Variants in MBP observed in about 807,000 individuals in gnomAD.
MBP encodes Golli-MBP.
Under a neutral mutation model 35.8 loss-of-function variants are expected in MBP, and 16 were observed. That is an observed-to-expected ratio of 0.45 (90% confidence interval 0.30 to 0.68). The LOEUF is 0.68. MBP is among the 30% of genes least tolerant of loss of function. The probability of loss-of-function intolerance (pLI) is 0.08; values close to 1 mark genes in which losing one functional copy is unlikely to be tolerated. For missense variants in MBP, 380 were observed against 404.7 expected, an observed-to-expected ratio of 0.94 and a Z score of 0.52; for synonymous variants, 143 against 159.6, an observed-to-expected ratio of 0.90 and a Z score of 0.78.
chr18:77,026,195 A>G (rs1972215426), intron 3 of MBP, among the ~76,000 whole-genome samples: 1 of 152,244 alleles, frequency 6.6e-6, no homozygotes, highest in African/African-American at 2.4e-5. Context: ...GCCTGAACTC[A>G]GCGCTTTTCA....
intron 2 of MBP, among the ~76,000 whole-genome samples, chr18:77,075,653 T>C (rs976471832): frequency 2.6e-5 from 4 of 152,328 alleles, no homozygotes; most frequent in Middle Eastern, 3.4e-3. Flanking sequence ...ATGGTTTCTA[T>C]TGAAGACCCG....
At chr18:77,009,662 C>G (rs1971217229) in intron 4 of MBP, among the ~76,000 whole-genome samples, 1 of 152,244 alleles carries the variant, frequency 6.6e-6, no homozygotes, top group East Asian at 1.9e-4. Context: ...GGGCATTTGT[C>G]TCTTCCTGCA....
intron 2 of MBP, among the ~76,000 whole-genome samples, chr18:77,070,990 G>GCA (rs1207180339): frequency 6.6e-6 from 1 of 152,152 alleles, no homozygotes; most frequent in Non-Finnish European, 1.5e-5. Flanking sequence ...TGCACACATG[G>GCA]CACACACGCA....
intron 1 of MBP, chr18:77,108,525 C>A (rs945253256): frequency 2.6e-5 from 4 of 152,186 alleles, no homozygotes; most frequent in Admixed American, 6.5e-5. Flanking sequence ...AGTTGGTATT[C>A]AGTTCTAGAT....
chr18:76,993,662 C>T (rs926882260), intron 4 of MBP, among the ~76,000 whole-genome samples: 2 of 152,062 alleles, frequency 1.3e-5, no homozygotes, highest in African/African-American at 2.4e-5. Flanking sequence ...CGTTGGTTAA[C>T]GATTCTCATT....
rs752790125 is a variant in MBP at position 77,066,309 on chromosome 18, T to C, written c.128A>G (p.Asn43Ser). 6.2e-7 allele frequency: 1 copy of C among 1,613,988 alleles called. No homozygotes were observed. The highest frequency in any genetic ancestry group is 8.5e-7 in the Non-Finnish European group (1 of 1,179,870). ...TCTGCGTCACCTACCGAACACTTCG[T>C]TGTCCTCTGAGGTTGTCCGTGAAAG... ...GELSRTTSED[N>S]EVFGEADANQ... The change falls in exon 3 of 9, where the codon AAC (asparagine) becomes AGC (serine). Residue 43 changes from asparagine to serine, a missense_variant. Coordinates refer to ENST00000355994, the MANE Select transcript of MBP (RefSeq NM_001025101.2).
chr18:77,119,475 A>C (rs1430970456), intron 1 of MBP, among the ~76,000 whole-genome samples: 1 of 152,154 alleles, frequency 6.6e-6, no homozygotes, highest in African/African-American at 2.4e-5. Flanking sequence ...GGTACATGAC[A>C]CACAGTAGGC....
chr18:77,078,621 C>T (rs1026315263), intron 2 of MBP, among the ~76,000 whole-genome samples: 5 of 152,234 alleles, frequency 3.3e-5, no homozygotes, highest in African/African-American at 1.2e-4. Context: ...GCCTGGAGAA[C>T]TCATTTCTCT....
chr18:77,079,130 C>T (rs770666817), intron 2 of MBP, among the ~76,000 whole-genome samples: 15 of 152,238 alleles, frequency 9.9e-5, no homozygotes, highest in Non-Finnish European at 2.1e-4. Flanking sequence ...AAGAAGGAGA[C>T]GGTTCCAACG....
chr18:77,028,052 G>T (rs992707125), intron 3 of MBP, among the ~76,000 whole-genome samples: 2 of 147,162 alleles, frequency 1.4e-5, no homozygotes, highest in African/African-American at 5.0e-5. Context: ...GGATTTGGCA[G>T]GGTCATAGGA....
At chr18:77,114,754 T>C (rs1467149694) in intron 1 of MBP, 1 of 152,254 alleles carries the variant, frequency 6.6e-6, no homozygotes, top group Admixed American at 6.5e-5. Context: ...TTCGCAGTCA[T>C]GTGGGGCTTA....
Position 77,016,901 on chromosome 18 carries a change from C to T in MBP, c.507G>A (p.Thr169=), listed in dbSNP as rs577730388. ...AGCGCCCGATGGAGTCAAGGATGCC[C>T]GTGTCTCTGTGCCTTGGGAGGAAGC... is the stretch of plus-strand genomic sequence containing the variant. ...RHGFLPRHRD[T]GILDSIGRFF... is the part of the protein sequence containing the mutation. Residue 169 remains threonine, a synonymous_variant, in exon 4 of 9, where the codon ACG becomes ACA. Transcript: ENST00000355994. 7 of 1,614,114 alleles carry T rather than the reference C, an allele frequency of 4.3e-6. No individual in the cohort carries two copies. The Admixed American group carries it at 5.0e-5, about 12-fold the overall frequency.
intron 1 of MBP, chr18:77,112,457 C>T (rs925551949): frequency 5.3e-5 from 8 of 152,200 alleles, no homozygotes; most frequent in African/African-American, 1.7e-4. Context: ...TCGTGCATAA[C>T]GGGGAGGGAG....
chr18:77,128,022 T>G (rs1158914426), intron 1 of MBP: 1 of 152,196 alleles, frequency 6.6e-6, no homozygotes, highest in Non-Finnish European at 1.5e-5. Flanking sequence ...GACTCAGCAA[T>G]TGCACTCCTG....
At chr18:77,109,201 C>A (rs959269469) in intron 1 of MBP, 33 of 152,332 alleles carry the variant, frequency 2.2e-4, no homozygotes, top group Admixed American at 1.9e-3. Context: ...GTTCAGAGAC[C>A]TCTAGATGGC....
intron 4 of MBP, among the ~76,000 whole-genome samples, chr18:76,992,522 C>G (rs1487259719): frequency 2.0e-5 from 3 of 152,194 alleles, no homozygotes; most frequent in Non-Finnish European, 2.9e-5. Context: ...AGACTACTAA[C>G]AGCTCCCCTG....
chr18:77,010,844 C>T (rs1278970997), intron 4 of MBP, among the ~76,000 whole-genome samples: 1 of 152,170 alleles, frequency 6.6e-6, no homozygotes, highest in African/African-American at 2.4e-5. Flanking sequence ...GGTAAGTGCC[C>T]TGCAAGAAAT....
In MBP at chr18:76,988,503, A is replaced by G. The variant is rs988647793; in HGVS notation, c.742T>C (p.Phe248Leu). 17 of 1,614,160 alleles carry G rather than the reference A, an allele frequency of 1.1e-5. No individual in the cohort carries two copies. The highest frequency in any genetic ancestry group is 1.4e-5 in the Non-Finnish European group (16 of 1,180,014). The change falls in exon 7 of 9, where the codon TTT (phenylalanine) becomes CTT (leucine). Residue 248 changes from phenylalanine (F) to leucine (L), a missense_variant. Physicochemically the swap from Phe to Leu is conservative, Grantham distance 22 (BLOSUM62 0). Transcript: ENST00000355994. The surrounding 1 kb of genome is among the most constrained non-coding windows in gnomAD (Gnocchi z 5.2). Reference protein sequence around the residue: ...GKGRGLSLSRFSWGAEGQRPG... With the variant: ...GKGRGLSLSRLSWGAEGQRPG... ...GTGCGTTCGTCACCTACCCAGCTAA[A>G]TCTGCTCAGGGACAGTCCTCTCCCC...
At chr18:76,986,964 A>G in intron 7 of MBP, 2 of 985,460 alleles carry the variant, frequency 2.0e-6, no homozygotes, top group South Asian at 4.7e-5. Flanking sequence ...AACTCCAGAC[A>G]AGGAGAGAGT....
Sources: allele counts gnomAD v4.1 joint callset (sites outside exome capture counted in the v4.1 genomes callset), GRCh38; gene constraint gnomAD v4.1.1; non-coding constraint Gnocchi (gnomAD v3.1); transcripts MANE v1.5; gene names NCBI Gene and HGNC (gene_info 2026-07-23, HGNC 2026-07-21).